The following AHCY variants were observed in gnomAD, a reference collection of about 807,000 sequenced individuals.
The protein encoded by AHCY is adenosylhomocysteinase, also known as S-adenosyl-L-homocysteine hydrolase.
In AHCY, 24 loss-of-function variants were observed where a neutral mutation model predicts 45.4. That is an observed-to-expected ratio of 0.53 (90% confidence interval 0.38 to 0.74). AHCY has a LOEUF of 0.74. Among genes scored for constraint, AHCY ranks in the 30% least tolerant of loss-of-function variants. The pLI is 0.00. For synonymous variants in AHCY, 245 were observed against 235.1 expected (o/e 1.04, Z -0.39); for missense variants, 449 against 594.1 (o/e 0.76, Z 2.54).
At chr20:34,310,355 G>A (rs765293629) in intron 1 of AHCY, among the ~76,000 whole-genome samples, 4 of 152,070 alleles carry the variant, frequency 2.6e-5, no homozygotes, top group East Asian at 1.9e-4. Flanking sequence ...CACCATGCCC[G>A]GCTGATTAAT....
At chr20:34,266,445 G>A in the AHCY span, among the ~76,000 whole-genome samples, 1 of 151,994 alleles carries the variant, frequency 6.6e-6, no homozygotes, top group African/African-American at 2.4e-5. Context: ...GGCTGAGGCA[G>A]GCAGATCACC....
At position 34,298,945 on chromosome 20, in the gene AHCY, C is replaced by T. The variant is rs567587084; in HGVS notation, c.29-3360G>A. ...GGAAGGGCCCCCTGTCCAGTGGACA[C>T]GTGACCCACATGACCTTACCTATCC... On this transcript the variant is annotated intron_variant, in intron 1 of 9. Transcript: ENST00000217426. 4.5e-4 allele frequency among the ~76,000 whole-genome samples: 69 copies of T among 152,292 alleles called. 1 individual carries two copies. In the East Asian group the frequency reaches 0.012, roughly 26 times the overall value.
chr20:34,302,637 G>A (rs1055298888), intron 1 of AHCY: 4 of 985,846 alleles, frequency 4.1e-6, no homozygotes, highest in South Asian at 9.3e-5. Flanking sequence ...TGGGACAGCA[G>A]GATTTTTCAA....
Position 34,290,786 on chromosome 20 carries a change from G to A in AHCY, c.711C>T (p.Ala237=), listed in dbSNP as rs769692063. The stretch of plus-strand genomic sequence containing the variant: ...GGTCAATCTCGGTGATGATGACGCG[G>A]GCTCCGAAACCCCGCAGGGCCTGGG... The part of the protein sequence containing the change: ...GCAQALRGFG[A]RVIITEIDPI... Residue 237 remains alanine (A), a synonymous_variant, in exon 6 of 10, where the codon GCC becomes GCT. Transcript: ENST00000217426. This position sits in a 1 kb window ranked among gnomAD's most constrained non-coding sequence, Gnocchi z 4.5. The A allele has an allele frequency of 1.2e-6, 2 of 1,613,926 alleles. No individual in the cohort carries two copies. The highest frequency in any genetic ancestry group is 1.7e-5 in the Admixed American group (1 of 60,010).
At chr20:34,254,673 C>T in the AHCY span, among the ~76,000 whole-genome samples, 1 of 152,056 alleles carries the variant, frequency 6.6e-6, no homozygotes, top group South Asian at 2.1e-4. Context: ...TAGGGTTCTC[C>T]CAGACCCCTT....
At chr20:34,262,361 T>G in the AHCY span, among the ~76,000 whole-genome samples, 1 of 152,084 alleles carries the variant, frequency 6.6e-6, no homozygotes, top group Non-Finnish European at 1.5e-5. Flanking sequence ...ATTGGCAGAG[T>G]CAGGATTCAA....
At chr20:34,250,310 T>C in the AHCY span, among the ~76,000 whole-genome samples, 4 of 152,206 alleles carry the variant, frequency 2.6e-5, no homozygotes, top group Non-Finnish European at 4.4e-5. Context: ...GCTGACACTG[T>C]TCACTGTCTT....
chr20:34,301,640 C>T (rs2036775047), intron 1 of AHCY: 1 of 244,134 alleles, frequency 4.1e-6, no homozygotes, highest in Non-Finnish European at 6.6e-6. Flanking sequence ...TCCCCATCCC[C>T]AAATCCAGCT....
At chr20:34,235,889 GGAAGGAAGGAAA>G in the AHCY span, among the ~76,000 whole-genome samples, 19 of 102,000 alleles carry the variant, frequency 1.9e-4, no homozygotes, top group African/African-American at 7.7e-4. Flanking sequence ...AAGGAAGGAA[GGAAGGAAGGAAA>G]GGAAGGAAGG....
intron 9 of AHCY, among the ~76,000 whole-genome samples, chr20:34,282,368 C>T (rs1052113803): frequency 1.3e-5 from 2 of 152,210 alleles, no homozygotes; most frequent in East Asian, 3.8e-4. Flanking sequence ...ATGATTGCAG[C>T]CCTGGCAGAA....
At chr20:34,307,402 C>T (rs1262203282), upstream of AHCY, among the ~76,000 whole-genome samples, 1 of 151,476 alleles carries the variant, frequency 6.6e-6, no homozygotes, top group East Asian at 1.9e-4. Flanking sequence ...GTCGGAGTTT[C>T]GCTCTTGTTG....
chr20:34,303,633 T>C (rs1368785815), upstream of AHCY, among the ~76,000 whole-genome samples: 1 of 152,226 alleles, frequency 6.6e-6, no homozygotes, highest in Admixed American at 6.5e-5. Flanking sequence ...GCCAGTTCAC[T>C]TCCCTGTGCC....
At chr20:34,232,677 A>G in the AHCY span, among the ~76,000 whole-genome samples, 3 of 152,222 alleles carry the variant, frequency 2.0e-5, no homozygotes, top group African/African-American at 7.2e-5. Flanking sequence ...GGAGAAGCAC[A>G]TGATTTTGTA....
the AHCY span, chr20:34,268,912 C>G: frequency 2.6e-6 from 4 of 1,525,082 alleles, no homozygotes; most frequent in Non-Finnish European, 3.6e-6. Context: ...TCTCCCTAGC[C>G]CGAGGAGCTC....
the AHCY span, chr20:34,249,977 G>A: frequency 6.6e-6 from 1 of 152,242 alleles, no homozygotes; most frequent in Non-Finnish European, 1.5e-5. Context: ...TCAAAGGAAA[G>A]CCTGCCTTCA....
At chr20:34,235,771 T>A in the AHCY span, among the ~76,000 whole-genome samples, 1 of 125,396 alleles carries the variant, frequency 8.0e-6, no homozygotes, top group Non-Finnish European at 1.7e-5. Flanking sequence ...TGTGACAGAG[T>A]GAGACTCTGA....
At chr20:34,298,346 A>C (rs1271955360) in intron 1 of AHCY, among the ~76,000 whole-genome samples, 3 of 152,084 alleles carry the variant, frequency 2.0e-5, no homozygotes, top group Non-Finnish European at 2.9e-5. Context: ...TATTATGATA[A>C]TCCTTGCTCT....
intron 1 of AHCY, among the ~76,000 whole-genome samples, chr20:34,298,963 A>G (rs1234390218): frequency 6.6e-6 from 1 of 151,932 alleles, no homozygotes; most frequent in African/African-American, 2.4e-5. Flanking sequence ...ACATGACCTT[A>G]CCTATCCTTG....
At chr20:34,247,853 T>G in the AHCY span, among the ~76,000 whole-genome samples, 3 of 150,380 alleles carry the variant, frequency 2.0e-5, no homozygotes, top group South Asian at 6.7e-4. Context: ...TGACTCCACC[T>G]GCCAAAGTGC....
Sources: gnomAD v4.1 joint callset for allele counts (sites outside exome capture counted in the v4.1 genomes callset) on GRCh38, gnomAD v4.1.1 for gene constraint, Gnocchi (gnomAD v3.1) non-coding constraint, MANE v1.5 for transcripts, NCBI Gene and HGNC (gene_info 2026-07-23, HGNC 2026-07-21) for gene names.